NAALADL2: variants seen among roughly 807,000 people sequenced by gnomAD.
NAALADL2 encodes N-acetylated alpha-linked acidic dipeptidase like 2.
Under a neutral mutation model 87.2 loss-of-function variants are expected in NAALADL2, and 76 were observed. That is an observed-to-expected ratio of 0.87 (90% confidence interval 0.72 to 1.05). The LOEUF (loss-of-function observed/expected upper bound fraction) is 1.05, where lower values mean the gene tolerates loss of function less well. NAALADL2 is among the 50% of genes least tolerant of loss of function. NAALADL2 has a pLI of 0.00. For missense variants in NAALADL2, 1,089 were observed against 945.8 expected (o/e 1.15, Z -1.99); for synonymous variants, 354 against 331.0 (o/e 1.07, Z -0.75).
At chr3:175,104,167 CA>C (rs1722703613) in intron 2 of NAALADL2, among the ~76,000 whole-genome samples, 2 of 152,134 alleles carry the variant, frequency 1.3e-5, no homozygotes, top group African/African-American at 4.8e-5. Flanking sequence ...CACTGCACTT[CA>C]TTTACCAAAG....
chr3:174,936,905 G>T (rs1314184766), intron 1 of NAALADL2, among the ~76,000 whole-genome samples: 2 of 152,136 alleles, frequency 1.3e-5, no homozygotes, highest in Non-Finnish European at 2.9e-5. Flanking sequence ...TTGTTGTCTT[G>T]ATTATGGGGA....
At chr3:174,509,568 A>AT (rs145219498) in intron 1 of NAALADL2, among the ~76,000 whole-genome samples, 1,540 of 80,018 alleles carry the variant, frequency 0.019, 98 homozygotes, top group East Asian at 0.037. Context: ...CACCCAGCTA[A>AT]TTTTTTTTTT....
intron 1 of NAALADL2, among the ~76,000 whole-genome samples, chr3:174,883,423 CTAACA>C (rs1729676463): frequency 6.6e-6 from 1 of 152,064 alleles, no homozygotes; most frequent in African/African-American, 2.4e-5. Context: ...ATAATTACGC[CTAACA>C]TGACACAACT....
chr3:175,298,442 G>A (rs1227825565), intron 4 of NAALADL2, among the ~76,000 whole-genome samples: 2 of 152,054 alleles, frequency 1.3e-5, no homozygotes, highest in South Asian at 2.1e-4. Context: ...CTTCTAAAAA[G>A]TAATAATAAC....
intron 2 of NAALADL2, among the ~76,000 whole-genome samples, chr3:175,210,646 A>G (rs534173119): frequency 7.2e-4 from 109 of 151,780 alleles, no homozygotes; most frequent in Middle Eastern, 3.4e-3. Flanking sequence ...AGAAAAGAAG[A>G]AGAAAATAAG....
At chr3:175,151,691 C>T (rs1560094480) in intron 2 of NAALADL2, among the ~76,000 whole-genome samples, 1 of 152,072 alleles carries the variant, frequency 6.6e-6, no homozygotes, top group Non-Finnish European at 1.5e-5. Context: ...TACATACATA[C>T]ACGCACATGC....
At chr3:174,479,702 G>A (rs1359641913) in intron 1 of NAALADL2, among the ~76,000 whole-genome samples, 1 of 151,984 alleles carries the variant, frequency 6.6e-6, no homozygotes, top group Non-Finnish European at 1.5e-5. Context: ...TTTCTTTCCG[G>A]CTCTGTAGAT....
At chr3:175,077,586 T>C (rs866939593) in intron 1 of NAALADL2, among the ~76,000 whole-genome samples, 4 of 152,182 alleles carry the variant, frequency 2.6e-5, no homozygotes, top group Admixed American at 2.6e-4. Context: ...AATTTGAGCT[T>C]TTTAATATAT....
At chr3:174,597,410 A>T (rs1011711307) in intron 2 of NAALADL2, among the ~76,000 whole-genome samples, 1 of 152,214 alleles carries the variant, frequency 6.6e-6, no homozygotes, top group East Asian at 1.9e-4. Flanking sequence ...CAGTTCAGGC[A>T]TAGTAAACTA....
intron 1 of NAALADL2, among the ~76,000 whole-genome samples, chr3:175,018,344 A>T (rs934271418): frequency 6.6e-6 from 1 of 152,012 alleles, no homozygotes; most frequent in Non-Finnish European, 1.5e-5. Flanking sequence ...GTGCCAGGGC[A>T]TTTTTTTCAT....
intron 1 of NAALADL2, among the ~76,000 whole-genome samples, chr3:174,989,324 G>A (rs980393303): frequency 4.6e-5 from 7 of 152,170 alleles, no homozygotes; most frequent in East Asian, 3.9e-4. Context: ...TTTAGGGAAC[G>A]TAGTGCAATT....
Position 175,439,160 on chromosome 3 carries a change from G to A in NAALADL2, c.1091-8069G>A, listed in dbSNP as rs1055945432. Among the ~76,000 whole-genome samples the A allele has an allele frequency of 3.3e-5, 5 of 152,034 alleles. No individual in the cohort carries two copies. The South Asian group carries it at 1.0e-3, about 31-fold the overall frequency. On this transcript the variant is annotated intron_variant, in intron 5 of 13. Transcript: ENST00000454872. The stretch of plus-strand genomic sequence containing the variant: ...AATAATGATCTCCAATTCCATCCCG[G>A]TTGCTGCAAATGCCATTATTGTGTT...
At chr3:175,156,945 G>A (rs1732417697) in intron 2 of NAALADL2, among the ~76,000 whole-genome samples, 1 of 151,960 alleles carries the variant, frequency 6.6e-6, no homozygotes, top group African/African-American at 2.4e-5. Flanking sequence ...CCATGATGAA[G>A]TTTCTTTACA....
At chr3:174,787,575 T>TCATATATATATATATATATA (rs1716821685) in intron 3 of NAALADL2, among the ~76,000 whole-genome samples, 2 of 13,058 alleles carry the variant, frequency 1.5e-4, no homozygotes, top group African/African-American at 2.6e-4. Flanking sequence ...CAATATATCA[T>TCATATATATATATATATATA]CATATATATA....
intron 3 of NAALADL2, among the ~76,000 whole-genome samples, chr3:174,797,290 T>C (rs1468738813): frequency 1.4e-5 from 2 of 143,964 alleles, no homozygotes; most frequent in African/African-American, 5.3e-5. Flanking sequence ...CTTTTTTCTT[T>C]TGTTTTTCTT....
intron 2 of NAALADL2, among the ~76,000 whole-genome samples, chr3:175,138,821 T>C (rs1320905567): frequency 6.8e-6 from 1 of 146,306 alleles, no homozygotes; most frequent in African/African-American, 2.5e-5. Context: ...AGTTTGCTTT[T>C]AGATCTGTGG....
At chr3:174,735,291 A>G (rs1391144383) in intron 2 of NAALADL2, among the ~76,000 whole-genome samples, 1 of 152,216 alleles carries the variant, frequency 6.6e-6, no homozygotes, top group African/African-American at 2.4e-5. Flanking sequence ...CACCTAATAC[A>G]TGCTGGGCAA....
At chr3:175,588,087 T>TA (rs201465705) in intron 10 of NAALADL2, among the ~76,000 whole-genome samples, 19,967 of 135,094 alleles carry the variant, frequency 0.15, 1,443 homozygotes, top group Middle Eastern at 0.19. Flanking sequence ...AACCTTGGGG[T>TA]AAAAAAAAAA....
chr3:175,494,330 C>G (rs1050776801), intron 9 of NAALADL2, among the ~76,000 whole-genome samples: 12 of 152,062 alleles, frequency 7.9e-5, no homozygotes, highest in Non-Finnish European at 1.5e-5. Context: ...TGCATGCATA[C>G]AGAAGCATTT....
Sources: allele counts gnomAD v4.1 joint callset (sites outside exome capture counted in the v4.1 genomes callset), GRCh38; gene constraint gnomAD v4.1.1; transcripts MANE v1.5; gene names NCBI Gene and HGNC (gene_info 2026-07-23, HGNC 2026-07-21).